Variants in EIF2S3 observed in about 807,000 individuals in gnomAD.
The protein encoded by EIF2S3 is eukaryotic translation initiation factor 2 subunit gamma, also known as eukaryotic translation initiation factor 2 subunit 3.
Under a neutral mutation model 31.7 loss-of-function variants are expected in EIF2S3, and 2 were observed. The observed-to-expected ratio is 0.06, with a 90% confidence interval of 0.03 to 0.20. EIF2S3 has a LOEUF of 0.20. Ranked by LOEUF, EIF2S3 falls within the 10% of genes least tolerant of loss-of-function variation. The probability of loss-of-function intolerance (pLI) is 1.00; values close to 1 mark genes in which losing one functional copy is unlikely to be tolerated. For missense variants in EIF2S3, 96 were observed against 359.3 expected (o/e 0.27, Z 5.92); for synonymous variants, 120 against 126.7 (o/e 0.95, Z 0.36).
rs1174368492 is a variant in EIF2S3, at chrX:24,070,387, C to G, written c.1013-1171C>G. Among the ~76,000 whole-genome samples, 5 of 107,676 alleles carry G rather than the reference C, an allele frequency of 4.6e-5. No homozygotes were observed. In the South Asian group the frequency reaches 2.1e-3, roughly 44 times the overall value. The allele number at this position is 107,676 out of a possible 115,157, so 93.5% of individuals were successfully genotyped here. On this transcript the variant is annotated intron_variant, in intron 9 of 11. Transcript: ENST00000253039. ...TCTATATATCTTCTTTCCCCTACTC[C>G]CCTCAAGACACAGCTAGAATATTTT...
At chrX:24,057,388 C>T (rs1930420414) in intron 2 of EIF2S3, 33 bp from the exon 3 acceptor site, 2 of 1,173,727 alleles carry the variant, frequency 1.7e-6, no homozygotes, top group Admixed American at 2.6e-5. Context: ...TAATTAAATA[C>T]ACATGAATTA....
chrX:24,069,680 T>A (rs1021867138), intron 9 of EIF2S3, among the ~76,000 whole-genome samples: 3 of 95,026 alleles, frequency 3.2e-5, no homozygotes, highest in Non-Finnish European at 4.1e-5. Flanking sequence ...GGAACTTTTT[T>A]AATTTCTTTT....
At chrX:24,057,570 G>C (rs1385783970) in intron 3 of EIF2S3, 22 bp downstream of exon 3, 1 of 1,206,203 alleles carries the variant, frequency 8.3e-7, no homozygotes, top group Non-Finnish European at 1.1e-6. Context: ...ACTGTGGAAC[G>C]AGAAACTAAC....
At chrX:24,070,008 A>AT (rs1491407250) in intron 9 of EIF2S3, among the ~76,000 whole-genome samples, 1 of 109,757 alleles carries the variant, frequency 9.1e-6, no homozygotes, top group Non-Finnish European at 1.9e-5. Flanking sequence ...CTCTTTAAAC[A>AT]TAGGATAGAA....
At chrX:24,060,948 CAAAAAA>C (rs35873085) in intron 5 of EIF2S3, among the ~76,000 whole-genome samples, 9 of 24,322 alleles carry the variant, frequency 3.7e-4, no homozygotes, top group African/African-American at 1.6e-3. Context: ...AACTACATCT[CAAAAAA>C]AAAAAAAAAA....
At chrX:24,055,235 A>G (rs1319951884) in intron 1 of EIF2S3, among the ~76,000 whole-genome samples, 198 bp downstream of exon 1, 1 of 111,796 alleles carries the variant, frequency 8.9e-6, no homozygotes, top group African/African-American at 3.3e-5. Context: ...GCAGGCGTGT[A>G]CGGTCGTGGG....
intron 8 of EIF2S3, among the ~76,000 whole-genome samples, chrX:24,066,545 C>T (rs1222204585): frequency 1.4e-3 from 124 of 91,781 alleles, no homozygotes; most frequent in Non-Finnish European, 2.1e-3. Flanking sequence ...TTTCTTGAGG[C>T]GGAGTCTTGC....
chrX:24,063,826 T>C (rs1459729520), intron 6 of EIF2S3, among the ~76,000 whole-genome samples: 2 of 111,830 alleles, frequency 1.8e-5, no homozygotes, highest in Non-Finnish European at 3.8e-5. Context: ...GAGTCTGTAA[T>C]TTTATCTTGA....
intron 11 of EIF2S3, among the ~76,000 whole-genome samples, chrX:24,076,427 G>A (rs964557040): frequency 9.0e-5 from 10 of 111,274 alleles, no homozygotes; most frequent in Non-Finnish European, 1.7e-4. Flanking sequence ...CCAGCTACTC[G>A]GGAGGCTGAG....
rs760773487 is a variant in EIF2S3 at position 24,062,279 on chromosome X, G to A, written c.479-137G>A. The A allele has an allele frequency of 1.5e-5, 9 of 600,015 alleles. No individual in the cohort carries two copies. In the African/African-American group the frequency reaches 2.1e-4, roughly 14 times the overall value. The allele number at this position is 600,015 out of a possible 1,213,427, so 49.4% of individuals were successfully genotyped here. Reference sequence around the variant, plus strand: ...CCGCAAAAGGAAACCCCATGCCCATGAAGCGTCAGTCCACATGTTTTCCTC... The same window carrying A: ...CCGCAAAAGGAAACCCCATGCCCATAAAGCGTCAGTCCACATGTTTTCCTC... On this transcript the variant is annotated intron_variant, in intron 5 of 11. Transcript: ENST00000253039.
At chrX:24,055,565 A>C in intron 1 of EIF2S3, 50 bp from the exon 2 acceptor site, 1 of 1,162,027 alleles carries the variant, frequency 8.6e-7, no homozygotes, top group Non-Finnish European at 1.2e-6. Flanking sequence ...GTCAAAGGAA[A>C]AGTTCTCATT....
rs1360162580 is a variant in EIF2S3 at position 24,078,657 on chromosome X, TGTTGAA to T, written c.*1877_*1882del. On this transcript the variant is annotated 3_prime_UTR_variant, in exon 12 of 12. Transcript: ENST00000253039. ...TTGAAGCATATTGTGCTCTTGTGAA[TGTTGAA>T]GTTGCATTGTAGAAGTTTAGAAGCT... Among the ~76,000 whole-genome samples, 3 of 112,193 alleles carry T rather than the reference TGTTGAA, an allele frequency of 2.7e-5. No individual in the cohort carries two copies. The highest frequency in any genetic ancestry group is 5.6e-5 in the Non-Finnish European group (3 of 53,296).
At position 24,076,947 on chromosome X, in the gene EIF2S3, TGGTTA is replaced by T; in HGVS notation, c.*163_*167del. The T allele has an allele frequency of 2.9e-6, 1 of 346,581 alleles. No individual in the cohort carries two copies. Among genetic ancestry groups the T allele is most frequent in the Non-Finnish European group, 4.6e-6 (1 of 219,299 alleles). The allele number at this position is 346,581 out of a possible 1,213,427, so 28.6% of individuals were successfully genotyped here. A position where few individuals can be genotyped will look rare whatever the true frequency, so the allele number is the denominator to read the frequency against. On this transcript the variant is annotated 3_prime_UTR_variant, in exon 12 of 12. Coordinates refer to ENST00000253039, the MANE Select transcript of EIF2S3 (RefSeq NM_001415.4). The stretch of plus-strand genomic sequence containing the variant: ...TTCTCTTTTTTTTTTTTTTTTTTTT[TGGTTA>T]TGAAAACTTAGGGACTAAAATTAAT...
intron 9 of EIF2S3, among the ~76,000 whole-genome samples, chrX:24,070,854 C>T (rs1302912464): frequency 2.7e-5 from 3 of 111,729 alleles, no homozygotes; most frequent in Non-Finnish European, 5.6e-5. Context: ...TAAGGATATT[C>T]GGACTCATTT....
intron 1 of EIF2S3, 151 bp downstream of exon 1, chrX:24,055,188 C>G: frequency 1.6e-6 from 1 of 609,535 alleles, no homozygotes; most frequent in Non-Finnish European, 2.5e-6. Context: ...AAGCCATGCT[C>G]GCGCCGCCTG....
chrX:24,070,131 G>C (rs1451925928), intron 9 of EIF2S3, among the ~76,000 whole-genome samples: 4 of 107,670 alleles, frequency 3.7e-5, no homozygotes, highest in African/African-American at 1.4e-4. Flanking sequence ...ACTTCGGGAG[G>C]CCGAGGTGGA....
chrX:24,062,648 T>G (rs1224290214), intron 6 of EIF2S3, 74 bp downstream of exon 6: 1 of 1,070,001 alleles, frequency 9.3e-7, no homozygotes, highest in Non-Finnish European at 1.3e-6. Context: ...AGATGTTAAA[T>G]TAACTTTTAA....
chrX:24,075,867 C>T (rs1930746545), intron 11 of EIF2S3, among the ~76,000 whole-genome samples: 1 of 110,893 alleles, frequency 9.0e-6, no homozygotes, highest in South Asian at 3.8e-4. Context: ...CCGTGATCAG[C>T]TAATTTTTTT....
At chrX:24,065,505 C>T (rs752951564) in intron 7 of EIF2S3, among the ~76,000 whole-genome samples, 4 of 110,681 alleles carry the variant, frequency 3.6e-5, no homozygotes, top group Non-Finnish European at 1.9e-5. Context: ...ACCTGTAGTC[C>T]GAGCTACTCG....
Sources: allele counts gnomAD v4.1 joint callset (sites outside exome capture counted in the v4.1 genomes callset), GRCh38; gene constraint gnomAD v4.1.1; transcripts MANE v1.5; gene names NCBI Gene and HGNC (gene_info 2026-07-23, HGNC 2026-07-21).